Variants in CLDND1 observed in about 807,000 individuals in gnomAD.
The protein encoded by CLDND1 is claudin domain-containing protein 1.
A neutral mutation model predicts 26.3 loss-of-function variants in CLDND1; 13 were observed. That is an observed-to-expected ratio of 0.49 (90% confidence interval 0.32 to 0.78). The LOEUF (loss-of-function observed/expected upper bound fraction) is 0.78. Ranked by LOEUF, CLDND1 falls within the 30% of genes least tolerant of loss-of-function variation. The pLI is 0.03. For missense variants in CLDND1, 289 were observed against 312.8 expected (o/e 0.92, Z 0.57); for synonymous variants, 107 against 107.0 (o/e 1.00, Z 0.00).
chr3:98,515,865 A>C lies in CLDND1; in HGVS notation c.*794T>G. The C allele has an allele frequency of 7.8e-7, 1 of 1,288,770 alleles. No individual in the cohort carries two copies. Among genetic ancestry groups the C allele is most frequent in the Non-Finnish European group, 1.0e-6 (1 of 988,142 alleles). 79.8% of individuals were successfully genotyped at this position (1,288,770 alleles called of 1,614,324 possible). ...AAATAAATAGCAGTTGAGGAATTTTACCTTGTAACTGTAATATAATGTAAA... is the reference window on the plus strand; with the variant it reads ...AAATAAATAGCAGTTGAGGAATTTTCCCTTGTAACTGTAATATAATGTAAA... On this transcript the variant is annotated 3_prime_UTR_variant, in exon 5 of 5. Coordinates refer to ENST00000341181, the MANE Select transcript of CLDND1 (RefSeq NM_001040181.2).
At chr3:98,518,758 T>C (rs1035297396) in intron 3 of CLDND1, 127 bp downstream of exon 3, 25 of 645,184 alleles carry the variant, frequency 3.9e-5, no homozygotes, top group Non-Finnish European at 5.6e-5. Context: ...CACTGGATAC[T>C]GTTAGAGATT....
At chr3:98,521,659 T>C (rs1473506563) in intron 1 of CLDND1, 1 of 1,611,900 alleles carries the variant, frequency 6.2e-7, no homozygotes, top group Non-Finnish European at 8.5e-7. Context: ...ATACCCAGGA[T>C]GCTACGGAGA....
In CLDND1 at chr3:98,515,945, A is replaced by G. The variant is rs1410783449; in HGVS notation, c.*714T>C. On this transcript the variant is annotated 3_prime_UTR_variant, in exon 5 of 5. Coordinates refer to ENST00000341181, the MANE Select transcript of CLDND1 (RefSeq NM_001040181.2). ...TGTGAAGAGGAAAGAAAAAAAATCC[A>G]AAACAATTTGGTGGTACTGAAAATC... The G allele has an allele frequency of 4.1e-6, 5 of 1,223,720 alleles. No homozygotes were observed. The highest frequency in any genetic ancestry group is 2.4e-4 in the Middle Eastern group (1 of 4,226). 75.8% of individuals were successfully genotyped at this position (1,223,720 alleles called of 1,614,324 possible). A position where few individuals can be genotyped will look rare whatever the true frequency, so the allele number is the denominator to read the frequency against.
Position 98,516,483 on chromosome 3 carries a change from T to C in CLDND1, c.*176A>G. On this transcript the variant is annotated 3_prime_UTR_variant, in exon 5 of 5. Coordinates refer to ENST00000341181, the MANE Select transcript of CLDND1 (RefSeq NM_001040181.2). ...ATGGCATCGCTTAAAGTAAACCACA[T>C]AAATTTTAGTGGTATTAAGTGTGTA... The C allele has an allele frequency of 7.2e-7, 1 of 1,388,700 alleles. No individual in the cohort carries two copies. The highest frequency in any genetic ancestry group is 9.3e-7 in the Non-Finnish European group (1 of 1,075,382). 86.0% of individuals were successfully genotyped at this position (1,388,700 alleles called of 1,614,324 possible). A position where few individuals can be genotyped will look rare whatever the true frequency, so the allele number is the denominator to read the frequency against.
Position 98,521,370 on chromosome 3 carries a change from A to C in CLDND1, c.55T>G (p.Ser19Ala), listed in dbSNP as rs747733694. ...ATGGAGGCTGCCATGTAGATGGTGGAAATGAGGCTAAGCACACAAGCAATT... is the reference window on the plus strand; with the variant it reads ...ATGGAGGCTGCCATGTAGATGGTGGCAATGAGGCTAAGCACACAAGCAATT... The part of the protein sequence containing the change: ...FVIACVLSLI[S>A]TIYMAASIGT... The change falls in exon 2 of 5, where the codon TCC (serine) becomes GCC (alanine). Residue 19 changes from serine (S) to alanine (A), a missense_variant. Ser to Ala is a moderately conservative substitution (Grantham distance 99). Coordinates refer to ENST00000341181, the MANE Select transcript of CLDND1 (RefSeq NM_001040181.2). The C allele has an allele frequency of 6.8e-6, 11 of 1,614,088 alleles. No homozygotes were observed. The African/African-American group carries it at 1.5e-4, about 22-fold the overall frequency.
chr3:98,516,150 A>G lies in CLDND1; in HGVS notation c.*509T>C. 6.7e-6 allele frequency: 7 copies of G among 1,047,390 alleles called. No homozygotes were observed. Among genetic ancestry groups the G allele is most frequent in the Non-Finnish European group, 8.1e-6 (7 of 867,176 alleles). The allele number at this position is 1,047,390 out of a possible 1,614,324, so 64.9% of individuals were successfully genotyped here. A position where few individuals can be genotyped will look rare whatever the true frequency, so the allele number is the denominator to read the frequency against. On this transcript the variant is annotated 3_prime_UTR_variant, in exon 5 of 5. Transcript: ENST00000341181. ...AGCTATGTGTCAATGCTTAGGGAAA[A>G]TGATCTTAGATAATTTCCCAATTTT... is the stretch of plus-strand genomic sequence containing the variant.
intron 2 of CLDND1, among the ~76,000 whole-genome samples, chr3:98,520,375 T>G (rs1455109514): frequency 6.6e-6 from 1 of 152,182 alleles, no homozygotes; most frequent in Non-Finnish European, 1.5e-5. Context: ...TGATATATCA[T>G]AACTCAAGCC....
At chr3:98,518,828 A>G in intron 3 of CLDND1, 57 bp downstream of exon 3, 1 of 1,028,408 alleles carries the variant, frequency 9.7e-7, no homozygotes, top group Non-Finnish European at 1.5e-6. Context: ...GTCCAAAAAG[A>G]GACAAATAAA....
chr3:98,516,490 T>A lies in CLDND1; in HGVS notation c.*169A>T. On this transcript the variant is annotated 3_prime_UTR_variant, in exon 5 of 5. Transcript: ENST00000341181. ...CGCTTAAAGTAAACCACATAAATTTTAGTGGTATTAAGTGTGTATTTAGTG... is the reference window on the plus strand; with the variant it reads ...CGCTTAAAGTAAACCACATAAATTTAAGTGGTATTAAGTGTGTATTTAGTG... The A allele has an allele frequency of 7.2e-7, 1 of 1,387,550 alleles. No homozygotes were observed. Among genetic ancestry groups the A allele is most frequent in the Non-Finnish European group, 9.3e-7 (1 of 1,073,990 alleles). The allele number at this position is 1,387,550 out of a possible 1,614,324, so 86.0% of individuals were successfully genotyped here. A position where few individuals can be genotyped will look rare whatever the true frequency, so the allele number is the denominator to read the frequency against.
chr3:98,521,849 A>T, intron 1 of CLDND1: 1 of 645,628 alleles, frequency 1.5e-6, no homozygotes, highest in Non-Finnish European at 2.7e-6. Flanking sequence ...TCTGGGTTTG[A>T]GTGTTAAAAA....
rs1706132368 is a variant in CLDND1 at position 98,516,262 on chromosome 3, T to C, written c.*397A>G. The C allele has an allele frequency of 1.9e-6, 2 of 1,028,076 alleles. No individual in the cohort carries two copies. The highest frequency in any genetic ancestry group is 9.4e-5 in the East Asian group (1 of 10,606). 63.7% of individuals were successfully genotyped at this position (1,028,076 alleles called of 1,614,324 possible). ...CAAAGTGAACATAAAGTTTTGACGA[T>C]GAGAGGTTTCCCAAAGAAACTAATA... On this transcript the variant is annotated 3_prime_UTR_variant, in exon 5 of 5. Transcript: ENST00000341181.
At chr3:98,517,353 C>T in intron 3 of CLDND1, 164 bp from the exon 4 acceptor site, 1 of 764,952 alleles carries the variant, frequency 1.3e-6, no homozygotes, top group Non-Finnish European at 2.1e-6. Flanking sequence ...AAGGATGCTA[C>T]TCTTGTCCTG....
intron 2 of CLDND1, 122 bp downstream of exon 2, chr3:98,521,011 A>T (rs900671210): frequency 3.1e-5 from 25 of 813,796 alleles, no homozygotes; most frequent in Non-Finnish European, 1.6e-5. Context: ...AAGATACACG[A>T]TTTATTTCTT....
At chr3:98,521,515 C>T in intron 1 of CLDND1, 73 bp from the exon 2 acceptor site, 6 of 1,500,518 alleles carry the variant, frequency 4.0e-6, no homozygotes, top group Non-Finnish European at 4.6e-6. Flanking sequence ...TGAATTATTC[C>T]AAATGCACCC....
intron 1 of CLDND1, chr3:98,521,727 G>T: frequency 6.3e-7 from 1 of 1,596,280 alleles, no homozygotes; most frequent in Non-Finnish European, 8.6e-7. Context: ...CACTGAAATG[G>T]ACATACACAT....
chr3:98,520,906 G>T, intron 2 of CLDND1: 1 of 443,358 alleles, frequency 2.3e-6, no homozygotes. Context: ...AAGCCATTAA[G>T]GCTTTCCCAA....
intron 2 of CLDND1, among the ~76,000 whole-genome samples, chr3:98,519,743 C>A (rs1264734525): frequency 6.6e-6 from 1 of 152,218 alleles, no homozygotes; most frequent in African/African-American, 2.4e-5. Flanking sequence ...CATTCCAGCC[C>A]AGTGGCTTCC....
chr3:98,518,800 T>C, intron 3 of CLDND1, 85 bp downstream of exon 3: 1 of 804,062 alleles, frequency 1.2e-6, no homozygotes, highest in Middle Eastern at 2.2e-4. Context: ...TACTAACTCA[T>C]CTTATTCCAA....
At chr3:98,519,470 G>C (rs928261110) in intron 2 of CLDND1, among the ~76,000 whole-genome samples, 4 of 152,186 alleles carry the variant, frequency 2.6e-5, no homozygotes, top group Non-Finnish European at 4.4e-5. Flanking sequence ...TCCAGCTGCT[G>C]CTCAGTGCTA....
Sources: gnomAD v4.1 joint callset for allele counts (sites outside exome capture counted in the v4.1 genomes callset) on GRCh38, gnomAD v4.1.1 for gene constraint, MANE v1.5 for transcripts, NCBI Gene and HGNC (gene_info 2026-07-23, HGNC 2026-07-21) for gene names.